Variants in PGAM1 observed in about 807,000 individuals in gnomAD.
The protein encoded by PGAM1 is phosphoglycerate mutase 1, also known as BPG-dependent PGAM 1.
PGAM1 carries 21 observed loss-of-function variants against 23.5 expected under a neutral mutation model. That is an observed-to-expected ratio of 0.89 (90% CI 0.63 to 1.29). The LOEUF is 1.29. PGAM1 is among the 50% of genes most tolerant of loss of function. The pLI, the probability that PGAM1 is intolerant of heterozygous loss-of-function variation, is 0.00. For missense variants in PGAM1, 232 were observed against 336.3 expected, an observed-to-expected ratio of 0.69 and a Z score of 2.42; for synonymous variants, 109 against 128.6, an observed-to-expected ratio of 0.85 and a Z score of 1.03.
At chr10:97,427,384 G>T in intron 1 of PGAM1, 1 of 1,004,958 alleles carries the variant, frequency 1.0e-6, no homozygotes, top group Non-Finnish European at 1.2e-6. Flanking sequence ...GATGTAACTT[G>T]AGTGAATGAA....
At chr10:97,426,552 A>C in intron 1 of PGAM1, 106 bp downstream of exon 1, 1 of 1,363,918 alleles carries the variant, frequency 7.3e-7, no homozygotes, top group Non-Finnish European at 9.8e-7. Flanking sequence ...CTTGGGCAGC[A>C]TCTCTCTTAA....
Position 97,430,943 on chromosome 10 carries a change from T to A in PGAM1, c.415-12T>A, listed in dbSNP as rs1354095830. 2 of 1,613,988 alleles carry A rather than the reference T, an allele frequency of 1.2e-6. No individual in the cohort carries two copies. The highest frequency in any genetic ancestry group is 3.3e-5 in the Admixed American group (2 of 60,006). On this transcript the variant is annotated splice_polypyrimidine_tract_variant and intron_variant, in intron 2 of 3. Transcript: ENST00000334828. ...CTTAATAAGTGGTGAACTTGGATTC[T>A]TTATTGCTTAGGATCGCAGGTATGC...
chr10:97,429,092 C>CATTT (rs1491389285), intron 1 of PGAM1, among the ~76,000 whole-genome samples: 4 of 84,752 alleles, frequency 4.7e-5, no homozygotes, highest in Non-Finnish European at 8.5e-5. Flanking sequence ...AGACTGATTC[C>CATTT]TTTTTTTTTT....
intron 2 of PGAM1, 58 bp downstream of exon 2, chr10:97,430,711 C>T (rs182755088): frequency 1.3e-6 from 2 of 1,598,348 alleles, no homozygotes; most frequent in East Asian, 4.5e-5. Flanking sequence ...TTAGTAGTGT[C>T]TGCCTAATCT....
intron 1 of PGAM1, among the ~76,000 whole-genome samples, chr10:97,430,159 A>G (rs562740491): frequency 2.5e-4 from 38 of 152,266 alleles, no homozygotes; most frequent in African/African-American, 8.9e-4. Flanking sequence ...GAAAAGTTGG[A>G]TTCTGGAGTC....
rs752304415 is a variant in PGAM1 at position 97,430,997 on chromosome 10, T to A, written c.457T>A (p.Cys153Ser). 1 of 1,613,982 alleles carries A rather than the reference T, an allele frequency of 6.2e-7. No individual in the cohort carries two copies. The highest frequency in any genetic ancestry group is 8.5e-7 in the Non-Finnish European group (1 of 1,179,874). Residue 153 changes from cysteine to serine, a missense_variant, in exon 3 of 4, where the codon TGT (cysteine) becomes AGT (serine). Transcript: ENST00000334828. Reference protein sequence around the residue: ...ADLTEDQLPSCESLKDTIARA... With the variant: ...ADLTEDQLPSSESLKDTIARA... The stretch of plus-strand genomic sequence containing the variant: ...CCTCACAGAAGATCAGCTACCCTCC[T>A]GTGAGAGTCTGAAGGATACTATTGC...
At chr10:97,430,307 G>A in intron 1 of PGAM1, 72 bp from the exon 2 acceptor site, 1 of 1,563,526 alleles carries the variant, frequency 6.4e-7, no homozygotes, top group Non-Finnish European at 8.8e-7. Context: ...TTGTACAGGA[G>A]ATTGATACTG....
intron 1 of PGAM1, among the ~76,000 whole-genome samples, chr10:97,428,433 C>T (rs142110338): frequency 7.2e-4 from 110 of 152,298 alleles, no homozygotes; most frequent in African/African-American, 2.5e-3. Context: ...ACACTGTCCA[C>T]TCCTACCCCT....
chr10:97,429,519 C>A (rs1305127667), intron 1 of PGAM1, among the ~76,000 whole-genome samples: 1 of 152,136 alleles, frequency 6.6e-6, no homozygotes, highest in East Asian at 1.9e-4. Context: ...CTGGGTCTTT[C>A]TTTAGTGAGT....
At position 97,432,380 on chromosome 10, in the gene PGAM1, G is replaced by A; in HGVS notation, c.621G>A (p.Glu207=). The A allele has an allele frequency of 2.5e-6, 4 of 1,612,108 alleles. No individual in the cohort carries two copies. In the African/African-American group the frequency reaches 5.3e-5, roughly 22 times the overall value. ...GTCTCTCTGAAGAGGCTATCATGGAGCTGAACCTGCCGACTGGTATTCCCA... is the reference window on the plus strand; with the variant it reads ...GTCTCTCTGAAGAGGCTATCATGGAACTGAACCTGCCGACTGGTATTCCCA... The part of the protein sequence containing the change: ...LEGLSEEAIM[E]LNLPTGIPIV... Residue 207 remains glutamate, a synonymous_variant, in exon 4 of 4, where the codon GAG becomes GAA. Transcript: ENST00000334828.
intron 2 of PGAM1, 67 bp downstream of exon 2, chr10:97,430,720 C>G (rs1283557270): frequency 2.4e-5 from 39 of 1,594,024 alleles, no homozygotes; most frequent in Non-Finnish European, 3.2e-5. Flanking sequence ...TCTGCCTAAT[C>G]TCACTGAACT....
intron 1 of PGAM1, among the ~76,000 whole-genome samples, chr10:97,428,095 C>A (rs1381579142): frequency 6.6e-6 from 1 of 152,118 alleles, no homozygotes; most frequent in African/African-American, 2.4e-5. Context: ...GTGGTAGTTT[C>A]CCAATGACTA....
rs753840830 is a variant in PGAM1, at chr10:97,430,558, C to G, written c.319C>G (p.His107Asp). The G allele has an allele frequency of 1.2e-6, 2 of 1,600,916 alleles. No individual in the cohort carries two copies. The highest frequency in any genetic ancestry group is 2.2e-5 in the South Asian group (2 of 91,080). Residue 107 changes from histidine (H) to aspartate (D), a missense_variant, in exon 2 of 4, where the codon CAT becomes GAT. Around this residue, in one of 3 missense-constraint regions of PGAM1, gnomAD observed 191 missense variants for 241.7 expected, o/e 0.79. Transcript: ENST00000334828. ...CAATAAAGCAGAAACTGCTGCAAAGCATGGTGAGGCCCAGGTGAAGATCTG... is the reference window on the plus strand; with the variant it reads ...CAATAAAGCAGAAACTGCTGCAAAGGATGGTGAGGCCCAGGTGAAGATCTG... ...GLNKAETAAK[H>D]GEAQVKIWRR...
chr10:97,430,021 G>C (rs1256812862), intron 1 of PGAM1, among the ~76,000 whole-genome samples: 1 of 150,064 alleles, frequency 6.7e-6, no homozygotes, highest in Admixed American at 6.6e-5. Flanking sequence ...ACTCCAGCCT[G>C]GGTGACAGTG....
intron 3 of PGAM1, 65 bp downstream of exon 3, chr10:97,431,200 CT>C: frequency 3.1e-6 from 5 of 1,594,386 alleles, no homozygotes; most frequent in Non-Finnish European, 3.4e-6. Context: ...AAATCAGGGA[CT>C]TGGTAAAAAG....
At chr10:97,431,775 G>T (rs189051687) in intron 3 of PGAM1, among the ~76,000 whole-genome samples, 1 of 152,182 alleles carries the variant, frequency 6.6e-6, no homozygotes, top group African/African-American at 2.4e-5. Flanking sequence ...TGTAGTCCCA[G>T]CTACTCAGGA....
At chr10:97,427,328 C>A in intron 1 of PGAM1, 3 of 987,658 alleles carry the variant, frequency 3.0e-6, no homozygotes, top group Non-Finnish European at 3.6e-6. Flanking sequence ...CAGGTCTTTG[C>A]TGTTCAGTAG....
Position 97,430,521 on chromosome 10 carries a change from T to C in PGAM1, c.282T>C (p.Gly94=), listed in dbSNP as rs1356340681. The C allele has an allele frequency of 1.2e-6, 2 of 1,600,308 alleles. No homozygotes were observed. The highest frequency in any genetic ancestry group is 2.2e-5 in the East Asian group (1 of 44,858). The part of the protein sequence containing the change: ...TWRLNERHYG[G]LTGLNKAETA... ...GCCTCAATGAGCGGCACTATGGGGG[T>C]CTAACCGGTCTCAATAAAGCAGAAA... The change falls in exon 2 of 4, where the codon GGT becomes GGC. Residue 94 remains glycine, a synonymous_variant. Coordinates refer to ENST00000334828, the MANE Select transcript of PGAM1 (RefSeq NM_002629.4).
intron 3 of PGAM1, among the ~76,000 whole-genome samples, chr10:97,432,017 CT>C (rs1845476113): frequency 6.6e-6 from 1 of 152,138 alleles, no homozygotes; most frequent in Non-Finnish European, 1.5e-5. Flanking sequence ...CCCACGTGTG[CT>C]GATTTTTGGT....
Sources: gnomAD v4.1 joint callset for allele counts (sites outside exome capture counted in the v4.1 genomes callset) on GRCh38, gnomAD v4.1.1 for gene constraint, gnomAD v4.1.1 regional missense constraint, MANE v1.5 for transcripts, NCBI Gene and HGNC (gene_info 2026-07-23, HGNC 2026-07-21) for gene names.